The following SPATA17 variants were observed in gnomAD, a reference collection of about 807,000 sequenced individuals.
The protein encoded by SPATA17 is spermatogenesis-associated protein 17.
A neutral mutation model predicts 62.2 loss-of-function variants in SPATA17; 53 were observed. The ratio of observed to expected loss-of-function variants is 0.85; its 90% CI spans 0.68 to 1.07. The LOEUF (loss-of-function observed/expected upper bound fraction) is 1.07, where lower values mean the gene tolerates loss of function less well. SPATA17 is among the 50% of genes least tolerant of loss of function. The pLI, the probability that SPATA17 is intolerant of heterozygous loss-of-function variation, is 0.00. For synonymous variants in SPATA17, 146 were observed against 146.8 expected (o/e 0.99, Z 0.04); for missense variants, 466 against 425.5 (o/e 1.10, Z -0.84).
chr1:217,815,602 T>C (rs1377352591), intron 9 of SPATA17, among the ~76,000 whole-genome samples: 1 of 152,170 alleles, frequency 6.6e-6, no homozygotes, highest in Non-Finnish European at 1.5e-5. Context: ...GAACACTGTC[T>C]AGGTGACGTT....
At chr1:217,638,804 T>G (rs1274519130) in intron 1 of SPATA17, among the ~76,000 whole-genome samples, 1 of 152,126 alleles carries the variant, frequency 6.6e-6, no homozygotes, top group South Asian at 2.1e-4. Flanking sequence ...TAACCAATTT[T>G]TAAAAATAAT....
At chr1:217,698,295 A>G (rs970879238) in intron 5 of SPATA17, among the ~76,000 whole-genome samples, 4 of 152,042 alleles carry the variant, frequency 2.6e-5, no homozygotes, top group African/African-American at 7.2e-5. Context: ...TTAGCTGGGC[A>G]TGGTGGTGCC....
chr1:217,708,176 G>A (rs966892861), intron 5 of SPATA17, among the ~76,000 whole-genome samples: 1 of 152,074 alleles, frequency 6.6e-6, no homozygotes, highest in Non-Finnish European at 1.5e-5. Flanking sequence ...CAACCCCAAA[G>A]ATAGCAGAAG....
At chr1:217,747,702 T>G (rs1672797677) in intron 6 of SPATA17, among the ~76,000 whole-genome samples, 1 of 152,170 alleles carries the variant, frequency 6.6e-6, no homozygotes, top group South Asian at 2.1e-4. Context: ...ATATTGAAAT[T>G]AAAGCTAAAG....
chr1:217,763,473 G>A (rs1394958999), intron 6 of SPATA17, among the ~76,000 whole-genome samples: 1 of 152,192 alleles, frequency 6.6e-6, no homozygotes, highest in Non-Finnish European at 1.5e-5. Flanking sequence ...AAAAAATGTG[G>A]CTGCTGTGTA....
intron 8 of SPATA17, among the ~76,000 whole-genome samples, chr1:217,790,929 A>G (rs536573879): frequency 2.2e-4 from 33 of 152,340 alleles, no homozygotes; most frequent in African/African-American, 6.0e-4. Flanking sequence ...AAAATTTAAC[A>G]TATCTCAAAA....
chr1:217,797,580 G>C (rs1320747317), intron 8 of SPATA17, among the ~76,000 whole-genome samples: 1 of 151,912 alleles, frequency 6.6e-6, no homozygotes, highest in Non-Finnish European at 1.5e-5. Flanking sequence ...TTATAATAAT[G>C]GTTAAAATAT....
At chr1:217,753,117 T>C (rs1023048731) in intron 6 of SPATA17, among the ~76,000 whole-genome samples, 1 of 152,170 alleles carries the variant, frequency 6.6e-6, no homozygotes, top group Admixed American at 6.5e-5. Context: ...TTCACTGATA[T>C]CTGACTTTTG....
At chr1:217,651,218 C>T in intron 3 of SPATA17, 40 bp downstream of exon 3, 2 of 1,435,852 alleles carry the variant, frequency 1.4e-6, no homozygotes, top group African/African-American at 1.4e-5. Flanking sequence ...TTGAATTGTA[C>T]AATATGCTGT....
chr1:217,703,077 T>C (rs541641150), intron 5 of SPATA17, among the ~76,000 whole-genome samples: 1 of 152,100 alleles, frequency 6.6e-6, no homozygotes, highest in South Asian at 2.1e-4. Flanking sequence ...GGCTTCACCA[T>C]GTTGGCCAGG....
intron 9 of SPATA17, among the ~76,000 whole-genome samples, chr1:217,837,493 C>CATTT (rs1245275402): frequency 6.6e-6 from 1 of 152,014 alleles, no homozygotes; most frequent in African/African-American, 2.4e-5. Flanking sequence ...ATAGTGAAAG[C>CATTT]ATTTCCATTT....
chr1:217,761,755 A>G (rs748014207), intron 6 of SPATA17, among the ~76,000 whole-genome samples: 4 of 152,166 alleles, frequency 2.6e-5, no homozygotes, highest in African/African-American at 4.8e-5. Flanking sequence ...GTGACCTGAT[A>G]TTTACATGTA....
chr1:217,651,783 A>G (rs1039645648), intron 3 of SPATA17, among the ~76,000 whole-genome samples: 3 of 152,212 alleles, frequency 2.0e-5, no homozygotes, highest in Admixed American at 2.0e-4. Flanking sequence ...CAAAGATTAC[A>G]TGGTGCTTTT....
intron 8 of SPATA17, among the ~76,000 whole-genome samples, chr1:217,786,762 CTT>C (rs35775668): frequency 0.22 from 31,767 of 145,462 alleles, 3,696 homozygotes; most frequent in South Asian, 0.36. Flanking sequence ...TCTTCTTCTT[CTT>C]CTTCTTCTTC....
At chr1:217,653,661 A>T (rs1012031724) in intron 3 of SPATA17, among the ~76,000 whole-genome samples, 2 of 152,080 alleles carry the variant, frequency 1.3e-5, no homozygotes, top group Non-Finnish European at 2.9e-5. Flanking sequence ...CAGTGAGCCA[A>T]TGGAAGCAGA....
chr1:217,835,334 G>C (rs780676017), intron 9 of SPATA17, among the ~76,000 whole-genome samples: 1 of 152,130 alleles, frequency 6.6e-6, no homozygotes, highest in African/African-American at 2.4e-5. Context: ...TAGGGACCTT[G>C]AAGCTGGAGT....
intron 9 of SPATA17, among the ~76,000 whole-genome samples, chr1:217,856,743 A>G (rs1675795003): frequency 6.6e-6 from 1 of 152,208 alleles, no homozygotes; most frequent in South Asian, 2.1e-4. Flanking sequence ...AAAAAAGGGG[A>G]GAAGTCCTAC....
chr1:217,691,547 G>A (rs1165795851), intron 5 of SPATA17, among the ~76,000 whole-genome samples: 6 of 73,860 alleles, frequency 8.1e-5, no homozygotes, highest in Non-Finnish European at 1.3e-4. Flanking sequence ...TTGGTGTTTT[G>A]GACATGAAGT....
At chr1:217,689,393 T>C (rs1671297494) in intron 5 of SPATA17, among the ~76,000 whole-genome samples, 2 of 151,856 alleles carry the variant, frequency 1.3e-5, no homozygotes, top group African/African-American at 4.8e-5. Context: ...GCCCGGCTAA[T>C]TTTCATATTT....
Sources: allele counts gnomAD v4.1 joint callset (sites outside exome capture counted in the v4.1 genomes callset), GRCh38; gene constraint gnomAD v4.1.1; transcripts MANE v1.5; gene names NCBI Gene and HGNC (gene_info 2026-07-23, HGNC 2026-07-21).